The following UBE2K variants were observed in gnomAD, a reference collection of about 807,000 sequenced individuals.
The protein encoded by UBE2K is ubiquitin-conjugating enzyme E2 K.
A neutral mutation model predicts 30.0 loss-of-function variants in UBE2K; 6 were observed. The ratio of observed to expected loss-of-function variants is 0.20; its 90% CI spans 0.11 to 0.39. The LOEUF is 0.39. Ranked by LOEUF, UBE2K falls within the 10% of genes least tolerant of loss-of-function variation. The probability of loss-of-function intolerance (pLI) is 1.00; values close to 1 mark genes in which losing one functional copy is unlikely to be tolerated. For missense variants in UBE2K, 61 were observed against 241.6 expected, an observed-to-expected ratio of 0.25 and a Z score of 4.96; for synonymous variants, 86 against 83.7, an observed-to-expected ratio of 1.03 and a Z score of -0.15.
In UBE2K at chr4:39,770,557, C is replaced by A. The variant is rs1270907435; in HGVS notation, c.300-4277C>A. ...GCAACCATGGCCGCCGCTGCTGCTT[C>A]CACCAGGCCCGAGGTGGCCCCCACG... On this transcript the variant is annotated intron_variant, in intron 4 of 6. Coordinates refer to ENST00000261427, the MANE Select transcript of UBE2K (RefSeq NM_005339.5). 5 of 1,590,658 alleles carry A rather than the reference C, an allele frequency of 3.1e-6. No homozygotes were observed. In the African/African-American group the frequency reaches 6.7e-5, roughly 21 times the overall value.
rs1241962846 is a variant in UBE2K at position 39,782,405 on chromosome 4, A to C, written c.*3971A>C. 1 of 154,524 alleles carries C rather than the reference A, an allele frequency of 6.5e-6. No individual in the cohort carries two copies. The highest frequency in any genetic ancestry group is 1.4e-5 in the Non-Finnish European group (1 of 69,628). The allele number at this position is 154,524 out of a possible 1,614,324, so 9.6% of individuals were successfully genotyped here. A position where few individuals can be genotyped will look rare whatever the true frequency, so the allele number is the denominator to read the frequency against. On this transcript the variant is annotated 3_prime_UTR_variant, in exon 7 of 7. Transcript: ENST00000261427. The stretch of plus-strand genomic sequence containing the variant: ...AGAAAATGAAATATTATTGAAAATA[A>C]TATCTATTTTTTAGCTTTCAGCAAT...
At chr4:39,712,883 T>C (rs1237489189) in intron 1 of UBE2K, among the ~76,000 whole-genome samples, 1 of 150,594 alleles carries the variant, frequency 6.6e-6, no homozygotes, top group East Asian at 1.9e-4. Context: ...TTTTTTTAAA[T>C]GAGACGGAGT....
At position 39,781,598 on chromosome 4, in the gene UBE2K, A is replaced by G. The variant is rs373086900; in HGVS notation, c.*3164A>G. On this transcript the variant is annotated 3_prime_UTR_variant, in exon 7 of 7. Transcript: ENST00000261427. Reference sequence around the variant, plus strand: ...ATGGTAATGTTTTACAATCCTATGTAGCAAAATAGGAAATTATGAATTTTT... The same window carrying G: ...ATGGTAATGTTTTACAATCCTATGTGGCAAAATAGGAAATTATGAATTTTT... The G allele has an allele frequency of 1.5e-4, 32 of 218,300 alleles. No homozygotes were observed. The highest frequency in any genetic ancestry group is 5.6e-4 in the South Asian group (3 of 5,380). The allele number at this position is 218,300 out of a possible 1,614,324, so 13.5% of individuals were successfully genotyped here. A position where few individuals can be genotyped will look rare whatever the true frequency, so the allele number is the denominator to read the frequency against.
chr4:39,721,450 C>G (rs577917731), intron 1 of UBE2K, among the ~76,000 whole-genome samples: 16 of 152,184 alleles, frequency 1.1e-4, no homozygotes, highest in African/African-American at 3.9e-4. Context: ...AACTCCTGGT[C>G]TTAAGTGATC....
At chr4:39,757,360 A>G (rs1010451243) in intron 4 of UBE2K, among the ~76,000 whole-genome samples, 24 of 152,058 alleles carry the variant, frequency 1.6e-4, no homozygotes, top group African/African-American at 2.2e-4. Flanking sequence ...GAAAGGGGAG[A>G]AAAAAAGGTA....
rs145884252 is a variant in UBE2K at position 39,718,989 on chromosome 4, C to T, written c.64-18431C>T. ...GGCTGAAGGGCTCCTCAAGTGTGGC[C>T]AGAATGGGCACTGAGGCCGAGGAGG... is the stretch of plus-strand genomic sequence containing the variant. On this transcript the variant is annotated intron_variant, in intron 1 of 6. Transcript: ENST00000261427. 5.3e-3 allele frequency among the ~76,000 whole-genome samples: 810 copies of T among 152,354 alleles called. 10 individuals are homozygous for T. Among genetic ancestry groups the T allele is most frequent in the African/African-American group, 0.018 (750 of 41,586 alleles).
intron 1 of UBE2K, among the ~76,000 whole-genome samples, chr4:39,712,895 T>C (rs1342381320): frequency 1.3e-5 from 2 of 151,012 alleles, no homozygotes; most frequent in South Asian, 4.2e-4. Context: ...AGACGGAGTC[T>C]CGCTTTGTCG....
intron 1 of UBE2K, among the ~76,000 whole-genome samples, chr4:39,711,143 G>A (rs1176253514): frequency 7.1e-6 from 1 of 141,668 alleles, no homozygotes; most frequent in African/African-American, 2.6e-5. Flanking sequence ...TGTAATGTAT[G>A]TCTCTTGGAA....
chr4:39,750,249 TA>T (rs1432195194), intron 3 of UBE2K, among the ~76,000 whole-genome samples: 2 of 152,166 alleles, frequency 1.3e-5, no homozygotes, highest in Non-Finnish European at 2.9e-5. Flanking sequence ...CTTCAGGTCT[TA>T]AAACTGGAAG....
rs1299751390 is a variant in UBE2K at position 39,734,262 on chromosome 4, T to C, written c.64-3158T>C. On this transcript the variant is annotated intron_variant, in intron 1 of 6. Transcript: ENST00000261427. ...CGGGGACTACAGGCACACACCACCA[T>C]GCCCGGCTAATTTTTCCGGATTTCA... Among the ~76,000 whole-genome samples, 4 of 151,948 alleles carry C rather than the reference T, an allele frequency of 2.6e-5. No individual in the cohort carries two copies. The East Asian group carries it at 5.8e-4, about 22-fold the overall frequency.
At chr4:39,768,135 G>A (rs1029304947) in intron 4 of UBE2K, among the ~76,000 whole-genome samples, 1 of 151,958 alleles carries the variant, frequency 6.6e-6, no homozygotes, top group Non-Finnish European at 1.5e-5. Context: ...ATTTCCCCTT[G>A]TTATTGTGAG....
chr4:39,702,226 CTTTTCTTTTTTTTTTTTT>C (rs1718059094), intron 1 of UBE2K, among the ~76,000 whole-genome samples: 4 of 90,824 alleles, frequency 4.4e-5, no homozygotes, highest in Non-Finnish European at 9.9e-5. Flanking sequence ...CTTTTCTTTT[CTTTTCTTTTTTTTTTTTT>C]TTTTTTTTTT....
intron 1 of UBE2K, among the ~76,000 whole-genome samples, chr4:39,728,561 T>G (rs796217526): frequency 1.6e-4 from 25 of 152,236 alleles, no homozygotes; most frequent in African/African-American, 6.0e-4. Flanking sequence ...TATCCAAATA[T>G]CTTTTTCTTC....
At chr4:39,740,934 T>C (rs1720668935) in intron 2 of UBE2K, among the ~76,000 whole-genome samples, 1 of 152,108 alleles carries the variant, frequency 6.6e-6, no homozygotes, top group African/African-American at 2.4e-5. Flanking sequence ...TTTCTTTTCT[T>C]TTTCCCGATA....
chr4:39,728,162 C>T (rs943563252), intron 1 of UBE2K, among the ~76,000 whole-genome samples: 9 of 152,002 alleles, frequency 5.9e-5, no homozygotes, highest in African/African-American at 2.2e-4. Flanking sequence ...AAGAAAAGCT[C>T]TGTCTTGACT....
chr4:39,700,851 GTTC>G (rs1178350367), intron 1 of UBE2K, among the ~76,000 whole-genome samples: 2 of 152,112 alleles, frequency 1.3e-5, no homozygotes, highest in Non-Finnish European at 2.9e-5. Flanking sequence ...ATAAGTGGCC[GTTC>G]TTAGAGTGTG....
intron 4 of UBE2K, among the ~76,000 whole-genome samples, chr4:39,757,358 A>AG (rs1380932956): frequency 6.6e-6 from 1 of 152,106 alleles, no homozygotes; most frequent in Non-Finnish European, 1.5e-5. Context: ...AAGAAAGGGG[A>AG]GAAAAAAAGG....
At chr4:39,740,141 T>C (rs551986862) in intron 2 of UBE2K, among the ~76,000 whole-genome samples, 1 of 152,192 alleles carries the variant, frequency 6.6e-6, no homozygotes, top group Non-Finnish European at 1.5e-5. Context: ...TATACTAGCT[T>C]CTTCTTGAAG....
intron 4 of UBE2K, among the ~76,000 whole-genome samples, chr4:39,766,824 A>G (rs929908254): frequency 8.5e-5 from 13 of 152,084 alleles, no homozygotes; most frequent in African/African-American, 3.1e-4. Context: ...ATCTCGGCTT[A>G]CTGCAGCCTC....
Sources: gnomAD v4.1 joint callset for allele counts (sites outside exome capture counted in the v4.1 genomes callset) on GRCh38, gnomAD v4.1.1 for gene constraint, MANE v1.5 for transcripts, NCBI Gene and HGNC (gene_info 2026-07-23, HGNC 2026-07-21) for gene names.